DAB1: variants seen among roughly 807,000 people sequenced by gnomAD.
The protein encoded by DAB1 is DAB adaptor protein 1, also known as disabled homolog 1.
A neutral mutation model predicts 64.6 loss-of-function variants in DAB1; 15 were observed. The observed-to-expected ratio is 0.23, with a 90% CI of 0.16 to 0.36. The LOEUF is 0.36. Among genes scored for constraint, DAB1 ranks in the 10% least tolerant of loss-of-function variants. The probability of loss-of-function intolerance (pLI) is 1.00; values close to 1 mark genes in which losing one functional copy is unlikely to be tolerated. For synonymous variants in DAB1, 235 were observed against 251.9 expected, an observed-to-expected ratio of 0.93 and a Z score of 0.64; for missense variants, 596 against 706.7, an observed-to-expected ratio of 0.84 and a Z score of 1.78.
intron 4 of DAB1, among the ~76,000 whole-genome samples, chr1:58,241,705 C>T (rs1004250125): frequency 3.3e-5 from 5 of 151,970 alleles, no homozygotes; most frequent in African/African-American, 7.2e-5. Context: ...AATCTTTTCA[C>T]GACAAATGTG....
At chr1:57,533,367 A>G (rs143692310) in intron 7 of DAB1, among the ~76,000 whole-genome samples, 280 of 151,972 alleles carry the variant, frequency 1.8e-3, no homozygotes, top group African/African-American at 6.3e-3. Flanking sequence ...TAATATTTTA[A>G]GAATGAAAGC....
chr1:57,013,001 G>C (rs1450713736), intron 12 of DAB1, among the ~76,000 whole-genome samples: 1 of 152,160 alleles, frequency 6.6e-6, no homozygotes, highest in Non-Finnish European at 1.5e-5. Context: ...TTCATCCCTG[G>C]GGTACATTTG....
chr1:58,450,746 T>C (rs1213744756), intron 3 of DAB1, among the ~76,000 whole-genome samples: 1 of 151,786 alleles, frequency 6.6e-6, no homozygotes, highest in South Asian at 2.1e-4. Flanking sequence ...AGAGCGAGAC[T>C]CCGTCTCAAA....
At chr1:57,134,746 A>T (rs1295237700) in intron 4 of DAB1, among the ~76,000 whole-genome samples, 1 of 152,168 alleles carries the variant, frequency 6.6e-6, no homozygotes, top group African/African-American at 2.4e-5. Flanking sequence ...ATCATTGTTA[A>T]ACAAAAGGAC....
At chr1:57,468,849 T>C (rs1687044043) in intron 7 of DAB1, among the ~76,000 whole-genome samples, 1 of 152,234 alleles carries the variant, frequency 6.6e-6, no homozygotes, top group African/African-American at 2.4e-5. Flanking sequence ...GCATTCATTC[T>C]TGCATTTATT....
At chr1:58,306,413 G>A (rs1273443581) in intron 4 of DAB1, among the ~76,000 whole-genome samples, 7 of 152,136 alleles carry the variant, frequency 4.6e-5, no homozygotes, top group African/African-American at 1.7e-4. Context: ...GTAAGAATTT[G>A]GTTGATAATC....
chr1:57,623,450 G>T (rs1346077609), intron 7 of DAB1, among the ~76,000 whole-genome samples: 1 of 152,182 alleles, frequency 6.6e-6, no homozygotes, highest in Non-Finnish European at 1.5e-5. Context: ...ACAATTAAGG[G>T]TCTTGTAATA....
chr1:58,156,794 T>C (rs1655251928), intron 4 of DAB1, among the ~76,000 whole-genome samples: 1 of 152,106 alleles, frequency 6.6e-6, no homozygotes, highest in Non-Finnish European at 1.5e-5. Context: ...GAGTTTAGAC[T>C]GAGAGGAAAA....
chr1:57,499,874 C>CT (rs1644271095), intron 7 of DAB1, among the ~76,000 whole-genome samples: 1 of 152,302 alleles, frequency 6.6e-6, no homozygotes, highest in Admixed American at 6.5e-5. Flanking sequence ...TGATTGTGAG[C>CT]TGCTTTGAAG....
At chr1:57,587,377 A>G (rs1333263981) in intron 7 of DAB1, among the ~76,000 whole-genome samples, 1 of 152,184 alleles carries the variant, frequency 6.6e-6, no homozygotes, top group Non-Finnish European at 1.5e-5. Flanking sequence ...CCCAACCATT[A>G]GGTAATTTAT....
chr1:58,286,062 G>A (rs1661672537), intron 4 of DAB1, among the ~76,000 whole-genome samples: 1 of 151,786 alleles, frequency 6.6e-6, no homozygotes, highest in Non-Finnish European at 1.5e-5. Context: ...ACAAGCATTG[G>A]GGAAAGGATT....
chr1:57,536,971 G>T (rs1402246803), intron 7 of DAB1, among the ~76,000 whole-genome samples: 1 of 152,160 alleles, frequency 6.6e-6, no homozygotes. Context: ...TTGGCAAGTG[G>T]GTAGTGTGGT....
At chr1:57,945,120 C>T (rs371050799) in intron 5 of DAB1, among the ~76,000 whole-genome samples, 97 of 152,262 alleles carry the variant, frequency 6.4e-4, no homozygotes, top group African/African-American at 2.2e-3. Flanking sequence ...ACAAAACCGG[C>T]GATTTCTGCC....
chr1:57,610,975 A>C (rs1487430365), intron 7 of DAB1, among the ~76,000 whole-genome samples: 22 of 152,230 alleles, frequency 1.4e-4, no homozygotes, highest in Admixed American at 1.4e-3. Context: ...TTACTTCTGG[A>C]TGCTTATCTT....
intron 5 of DAB1, among the ~76,000 whole-genome samples, chr1:58,078,675 G>A (rs2100587701): frequency 6.6e-6 from 1 of 152,264 alleles, no homozygotes; most frequent in Admixed American, 6.5e-5. Flanking sequence ...ACATATGCTT[G>A]AGGTTTCCAC....
intron 8 of DAB1, among the ~76,000 whole-genome samples, chr1:57,065,167 G>C (rs1359474555): frequency 6.6e-6 from 1 of 152,140 alleles, no homozygotes; most frequent in Non-Finnish European, 1.5e-5. Flanking sequence ...ATATCAATCT[G>C]CCTGTTTGTC....
intron 5 of DAB1, among the ~76,000 whole-genome samples, chr1:58,146,038 T>C (rs2100723668): frequency 6.6e-6 from 1 of 152,374 alleles, no homozygotes; most frequent in Non-Finnish European, 1.5e-5. Context: ...TTTCTCTTCC[T>C]TGTAATTTTC....
chr1:57,822,148 G>T (rs1652150140), downstream of DAB1, among the ~76,000 whole-genome samples: 1 of 152,178 alleles, frequency 6.6e-6, no homozygotes, highest in South Asian at 2.1e-4. Context: ...TATCATGAGT[G>T]AATTCAAGGG....
chr1:57,702,586 T>C (rs1471533579), intron 6 of DAB1, among the ~76,000 whole-genome samples: 4 of 152,190 alleles, frequency 2.6e-5, no homozygotes, highest in South Asian at 2.1e-4. Context: ...TTCTCCGTTA[T>C]GCTACTTATT....
Sources: gnomAD v4.1 joint callset for allele counts (sites outside exome capture counted in the v4.1 genomes callset) on GRCh38, gnomAD v4.1.1 for gene constraint, MANE v1.5 for transcripts, NCBI Gene and HGNC (gene_info 2026-07-23, HGNC 2026-07-21) for gene names.